CDHR3: variants seen among roughly 807,000 people sequenced by gnomAD.
The protein encoded by CDHR3 is cadherin related family member 3.
CDHR3 carries 79 observed loss-of-function variants against 86.6 expected under a neutral mutation model. That is an observed-to-expected ratio of 0.91 (90% CI 0.76 to 1.10). The LOEUF (loss-of-function observed/expected upper bound fraction) is 1.10. Among genes scored for constraint, CDHR3 ranks in the 50% least tolerant of loss-of-function variants. The pLI is 0.00. For synonymous variants in CDHR3, 421 were observed against 402.4 expected, an observed-to-expected ratio of 1.05 and a Z score of -0.55; for missense variants, 1,081 against 1,077.6, an observed-to-expected ratio of 1.00 and a Z score of -0.04.
intron 16 of CDHR3, among the ~76,000 whole-genome samples, chr7:106,026,942 G>A (rs886717725): frequency 6.6e-6 from 1 of 152,096 alleles, no homozygotes; most frequent in African/African-American, 2.4e-5. Flanking sequence ...TAGAGCCCTC[G>A]CCAATCAGCT....
chr7:105,966,690 G>A (rs931439377), intron 1 of CDHR3, among the ~76,000 whole-genome samples: 4 of 152,150 alleles, frequency 2.6e-5, no homozygotes, highest in Non-Finnish European at 5.9e-5. Flanking sequence ...CACCTCAGAA[G>A]AACAAAAGAC....
chr7:105,979,467 A>G (rs1829316637), intron 2 of CDHR3, among the ~76,000 whole-genome samples: 1 of 152,154 alleles, frequency 6.6e-6, no homozygotes, highest in Non-Finnish European at 1.5e-5. Context: ...TAGAACTTGC[A>G]ATGTCCAACA....
intron 9 of CDHR3, among the ~76,000 whole-genome samples, chr7:106,014,229 C>T (rs748561547): frequency 1.1e-4 from 17 of 152,172 alleles, no homozygotes; most frequent in Non-Finnish European, 2.1e-4. Context: ...AGCTACTGTG[C>T]CTAGCCTGCA....
intron 15 of CDHR3, among the ~76,000 whole-genome samples, chr7:106,024,953 GCA>G: frequency 6.6e-6 from 1 of 152,338 alleles, no homozygotes; most frequent in South Asian, 2.1e-4. Flanking sequence ...ATTAAGGCAA[GCA>G]CACAAAACCA....
chr7:105,974,808 G>A (rs1243030592), intron 1 of CDHR3, 36 bp from the exon 2 acceptor site: 3 of 1,560,466 alleles, frequency 1.9e-6, no homozygotes, highest in African/African-American at 1.4e-5. Context: ...AAAAGGCTTT[G>A]TGTTCATGTC....
rs1378191226 is a variant in CDHR3, at chr7:106,032,763, G to A, written c.*66G>A. Reference sequence around the variant, plus strand: ...CCTCACCCTAAATTCTATGGGGATGGTGTGGGCATGGTGTAGGGGGGAAAA... The same window carrying A: ...CCTCACCCTAAATTCTATGGGGATGATGTGGGCATGGTGTAGGGGGGAAAA... On this transcript the variant is annotated 3_prime_UTR_variant, in exon 19 of 19. Transcript: ENST00000317716. 28 of 1,492,776 alleles carry A rather than the reference G, an allele frequency of 1.9e-5. No homozygotes were observed. In the Admixed American group the frequency reaches 3.3e-4, roughly 18 times the overall value. The allele number at this position is 1,492,776 out of a possible 1,614,324, so 92.5% of individuals were successfully genotyped here.
chr7:105,991,368 A>G (rs1831330678), intron 4 of CDHR3, among the ~76,000 whole-genome samples: 1 of 152,118 alleles, frequency 6.6e-6, no homozygotes, highest in South Asian at 2.1e-4. Flanking sequence ...CAGAGAAAAA[A>G]GAAATTAGCC....
At chr7:105,992,827 C>T (rs1259866780) in intron 4 of CDHR3, among the ~76,000 whole-genome samples, 1 of 152,134 alleles carries the variant, frequency 6.6e-6, no homozygotes, top group African/African-American at 2.4e-5. Flanking sequence ...TAATAGGTGG[C>T]ATATTTCATT....
chr7:106,029,447 G>T (rs1020295151), intron 17 of CDHR3, among the ~76,000 whole-genome samples: 2 of 152,132 alleles, frequency 1.3e-5, no homozygotes, highest in African/African-American at 4.8e-5. Flanking sequence ...GAGGATATCT[G>T]CCCTGAGATA....
intron 8 of CDHR3, among the ~76,000 whole-genome samples, chr7:106,005,149 C>A (rs901831508): frequency 2.0e-5 from 3 of 152,136 alleles, no homozygotes; most frequent in African/African-American, 7.2e-5. Flanking sequence ...ATAAATCAAA[C>A]CAAGTACTTA....
Position 105,988,920 on chromosome 7 carries a change from C to T in CDHR3, c.513+4631C>T, listed in dbSNP as rs559760313. Among the ~76,000 whole-genome samples, 68 of 152,300 alleles carry T rather than the reference C, an allele frequency of 4.5e-4. 1 individual carries two copies. The South Asian group carries it at 0.014, about 31-fold the overall frequency. The stretch of plus-strand genomic sequence containing the variant: ...AGATATTTTGCCTTCTTTTTCCATA[C>T]TCGGTGTCCAAACTCAGTGTGCATT... On this transcript the variant is annotated intron_variant, in intron 4 of 18. Coordinates refer to ENST00000317716, the MANE Select transcript of CDHR3 (RefSeq NM_152750.5).
At chr7:106,019,658 G>C (rs538009735) in intron 12 of CDHR3, among the ~76,000 whole-genome samples, 1 of 152,340 alleles carries the variant, frequency 6.6e-6, no homozygotes, top group African/African-American at 2.4e-5. Context: ...AGCGATGAAA[G>C]AGAATAGGCT....
intron 11 of CDHR3, among the ~76,000 whole-genome samples, chr7:106,016,799 T>C (rs1238298735): frequency 1.3e-5 from 2 of 152,326 alleles, no homozygotes; most frequent in African/African-American, 4.8e-5. Context: ...CCAAAGAAAA[T>C]GCTTTTAATT....
intron 15 of CDHR3, among the ~76,000 whole-genome samples, chr7:106,025,337 A>T (rs1243377591): frequency 6.6e-6 from 1 of 152,176 alleles, no homozygotes; most frequent in East Asian, 1.9e-4. Context: ...ATTTTCTTGG[A>T]ATATGGCTTT....
intron 5 of CDHR3, 108 bp downstream of exon 5, chr7:105,994,953 A>G: frequency 1.3e-6 from 1 of 795,372 alleles, no homozygotes; most frequent in Non-Finnish European, 2.1e-6. Flanking sequence ...GAGCCCCTTG[A>G]GCAGTCTACA....
rs931236435 is a variant in CDHR3 at position 106,035,871 on chromosome 7, G to A, written c.*3174G>A. 1.1e-4 allele frequency: 17 copies of A among 152,196 alleles called. No homozygotes were observed. Among genetic ancestry groups the A allele is most frequent in the African/African-American group, 4.1e-4 (17 of 41,448 alleles). 9.4% of individuals were successfully genotyped at this position (152,196 alleles called of 1,614,324 possible). On this transcript the variant is annotated 3_prime_UTR_variant, in exon 19 of 19. Coordinates refer to ENST00000317716, the MANE Select transcript of CDHR3 (RefSeq NM_152750.5). Reference sequence around the variant, plus strand: ...CAATCAGTCTGATTGGTTACAGACAGCCAATTTCCCAGCGTTGACCAGGTT... The same window carrying A: ...CAATCAGTCTGATTGGTTACAGACAACCAATTTCCCAGCGTTGACCAGGTT...
rs1838784277 is a variant in CDHR3, at chr7:106,034,909, C to T, written c.*2212C>T. On this transcript the variant is annotated 3_prime_UTR_variant, in exon 19 of 19. Coordinates refer to ENST00000317716, the MANE Select transcript of CDHR3 (RefSeq NM_152750.5). Reference sequence around the variant, plus strand: ...CCTGGCCAACATGGTGAAACCCTGTCTCTACTAAAAAATAGAAAAATTAGC... The same window carrying T: ...CCTGGCCAACATGGTGAAACCCTGTTTCTACTAAAAAATAGAAAAATTAGC... Among the ~76,000 whole-genome samples, 1 of 152,076 alleles carries T rather than the reference C, an allele frequency of 6.6e-6. No individual in the cohort carries two copies. Among genetic ancestry groups the T allele is most frequent in the Non-Finnish European group, 1.5e-5 (1 of 67,996 alleles).
intron 2 of CDHR3, among the ~76,000 whole-genome samples, chr7:105,980,611 T>TTA (rs1829553114): frequency 3.1e-5 from 3 of 96,260 alleles, no homozygotes; most frequent in Admixed American, 1.3e-4. Context: ...TTTTTAATTT[T>TTA]TTTTTTTTTT....
intron 1 of CDHR3, among the ~76,000 whole-genome samples, chr7:105,974,379 G>A (rs1252283625): frequency 6.6e-6 from 1 of 152,216 alleles, no homozygotes; most frequent in East Asian, 1.9e-4. Flanking sequence ...GTGTTCTCCA[G>A]TCATGCACAC....
Sources: gnomAD v4.1 joint callset for allele counts (sites outside exome capture counted in the v4.1 genomes callset) on GRCh38, gnomAD v4.1.1 for gene constraint, MANE v1.5 for transcripts, NCBI Gene and HGNC (gene_info 2026-07-23, HGNC 2026-07-21) for gene names.